The following SPTAN1 variants were observed in gnomAD, a reference collection of about 807,000 sequenced individuals.
SPTAN1 encodes spectrin alpha chain, non-erythrocytic 1.
Under a neutral mutation model 331.3 loss-of-function variants are expected in SPTAN1, and 61 were observed. The observed-to-expected ratio is 0.18, with a 90% CI of 0.15 to 0.23. The LOEUF (loss-of-function observed/expected upper bound fraction) is 0.23, where lower values mean the gene tolerates loss of function less well. Ranked by LOEUF, SPTAN1 falls within the 10% of genes least tolerant of loss-of-function variation. The pLI, the probability that SPTAN1 is intolerant of heterozygous loss-of-function variation, is 1.00. For missense variants in SPTAN1, 2,043 were observed against 3,147.9 expected (o/e 0.65, Z 8.40); for synonymous variants, 1,153 against 1,173.9 (o/e 0.98, Z 0.36).
rs1418594886 is a variant in SPTAN1, at chr9:128,604,179, A to G, written c.3628-147A>G. The G allele has an allele frequency of 9.4e-6, 8 of 854,894 alleles. No homozygotes were observed. The Admixed American group carries it at 1.6e-4, about 17-fold the overall frequency. The allele number at this position is 854,894 out of a possible 1,614,324, so 53.0% of individuals were successfully genotyped here. A position where few individuals can be genotyped will look rare whatever the true frequency, so the allele number is the denominator to read the frequency against. On this transcript the variant is annotated intron_variant, in intron 28 of 56. Coordinates refer to ENST00000372739, the MANE Select transcript of SPTAN1 (RefSeq NM_001130438.3). Reference sequence around the variant, plus strand: ...GGCTTGGCTCTTACTGGAATATTGTATACTAATTTATTCAGCGAGGAAGGT... The same window carrying G: ...GGCTTGGCTCTTACTGGAATATTGTGTACTAATTTATTCAGCGAGGAAGGT...
chr9:128,574,374 AT>A (rs1851066516), intron 3 of SPTAN1, among the ~76,000 whole-genome samples: 2 of 149,024 alleles, frequency 1.3e-5, no homozygotes, highest in Non-Finnish European at 3.0e-5. Flanking sequence ...ATATAAAGAT[AT>A]TATTAATAAT....
chr9:128,557,181 C>A (rs772442030), intron 1 of SPTAN1, among the ~76,000 whole-genome samples: 1 of 152,192 alleles, frequency 6.6e-6, no homozygotes, highest in Non-Finnish European at 1.5e-5. Context: ...CTAAAAATCC[C>A]TTTCTTGCAA....
chr9:128,557,683 T>G (rs1389562663), intron 1 of SPTAN1, among the ~76,000 whole-genome samples: 1 of 152,108 alleles, frequency 6.6e-6, no homozygotes, highest in African/African-American at 2.4e-5. Context: ...ACAAAGATAT[T>G]CATGTCTAAT....
At chr9:128,626,033 C>T (rs1304426298) in intron 48 of SPTAN1, 55 bp downstream of exon 48, 67 of 1,596,768 alleles carry the variant, frequency 4.2e-5, no homozygotes, top group Non-Finnish European at 5.7e-5. Context: ...GAAGGACGCC[C>T]ACCTTCTGTC....
chr9:128,607,878 G>A lies in SPTAN1; in HGVS notation c.4173G>A (p.Arg1391=). ...AACACCGGACAGAAATCGATGCCAG[G>A]GCTGGCACTTTCCAGGCATTTGAGC... ...HQEHRTEIDA[R]AGTFQAFEQF... The change falls in exon 33 of 57, where the codon AGG becomes AGA. Residue 1391 remains arginine, a synonymous_variant. Transcript: ENST00000372739. The A allele has an allele frequency of 6.2e-7, 1 of 1,614,012 alleles. No individual in the cohort carries two copies. The highest frequency in any genetic ancestry group is 8.5e-7 in the Non-Finnish European group (1 of 1,180,032).
Position 128,582,833 on chromosome 9 carries a change from C to T in SPTAN1, c.1790C>T (p.Thr597Ile). ...GTCAATGAGAAGATGAAAACTGCCA[C>T]AGATGAAGCTTATAAAGTAATGTAC... ...SWVNEKMKTA[T>I]DEAYKDPSNL... The change falls in exon 14 of 57, where the codon ACA (threonine) becomes ATA (isoleucine). Residue 597 changes from threonine (T) to isoleucine (I), a missense_variant. This residue lies in a region of SPTAN1 where 1,038 missense variants were observed against 1,531.5 expected (regional missense o/e 0.68). Transcript: ENST00000372739. 1 of 1,613,122 alleles carries T rather than the reference C, an allele frequency of 6.2e-7. No individual in the cohort carries two copies. The highest frequency in any genetic ancestry group is 8.5e-7 in the Non-Finnish European group (1 of 1,180,028).
chr9:128,598,644 C>T, intron 25 of SPTAN1, 140 bp downstream of exon 25: 2 of 782,854 alleles, frequency 2.6e-6, no homozygotes, highest in Non-Finnish European at 2.2e-6. Flanking sequence ...TCTATGTGAC[C>T]AAAACCATTT....
rs1296061108 is a variant in SPTAN1 at position 128,612,217 on chromosome 9, A to T, written c.5014A>T (p.Ile1672Phe). The change falls in exon 39 of 57, where the codon ATC becomes TTC. Residue 1672 changes from isoleucine (I) to phenylalanine (F), a missense_variant. By Grantham distance (21) the Ile-to-Phe change is conservative. Around this residue, in one of 12 missense-constraint regions of SPTAN1, gnomAD observed 323 missense variants for 581.1 expected, o/e 0.56. Coordinates refer to ENST00000372739, the MANE Select transcript of SPTAN1 (RefSeq NM_001130438.3). Reference protein sequence around the residue: ...ANKQQNFNTGIKDFDFWLSEV... With the variant: ...ANKQQNFNTGFKDFDFWLSEV... The stretch of plus-strand genomic sequence containing the variant: ...CAAGCAGCAGAACTTCAACACAGGG[A>T]TCAAGGACTTTGACTTCTGGCTGTC... 2 of 1,614,028 alleles carry T rather than the reference A, an allele frequency of 1.2e-6. No homozygotes were observed. Among genetic ancestry groups the T allele is most frequent in the African/African-American group, 1.3e-5 (1 of 74,900 alleles).
chr9:128,584,458 C>T lies in SPTAN1; in HGVS notation c.2370C>T (p.Phe790=). 1.2e-6 allele frequency: 2 copies of T among 1,614,074 alleles called. No homozygotes were observed. The highest frequency in any genetic ancestry group is 1.7e-6 in the Non-Finnish European group (2 of 1,179,978). The part of the protein sequence containing the change: ...LADSLRLQQL[F]RDVEDEETWI... ...ATTCTCTGCGGTTGCAGCAGCTCTT[C>T]CGGGATGTTGAGGATGAGGAGACGT... The change falls in exon 17 of 57, where the codon TTC becomes TTT. Residue 790 remains phenylalanine (F), a synonymous_variant. Transcript: ENST00000372739.
In SPTAN1 at chr9:128,608,949, T is replaced by C; in HGVS notation, c.4567T>C (p.Ser1523Pro). 2 of 1,614,224 alleles carry C rather than the reference T, an allele frequency of 1.2e-6. No homozygotes were observed. Among genetic ancestry groups the C allele is most frequent in the Non-Finnish European group, 1.7e-6 (2 of 1,180,034 alleles). The part of the protein sequence containing the change: ...AAGHYAKGDI[S>P]SRRNEVLDRW... ...CGGCCATTATGCCAAGGGAGACATT[T>C]CTAGCCGGCGCAATGAGGTCTTGGA... Residue 1523 changes from serine (S) to proline (P), a missense_variant, in exon 35 of 57, where the codon TCT (serine) becomes CCT (proline). Coordinates refer to ENST00000372739, the MANE Select transcript of SPTAN1 (RefSeq NM_001130438.3).
Position 128,577,546 on chromosome 9 carries a change from C to A in SPTAN1, c.1085+40C>A. On this transcript the variant is annotated intron_variant, in intron 8 of 56. Transcript: ENST00000372739. The surrounding 1 kb of genome is among the most constrained non-coding windows in gnomAD (Gnocchi z 4.2). ...CCAGGTCTTAACCAGTATCATTTGG[C>A]TTCTTTTTTGGAAGCAGGAATAGCA... The A allele has an allele frequency of 6.2e-7, 1 of 1,611,868 alleles. No homozygotes were observed. Among genetic ancestry groups the A allele is most frequent in the African/African-American group, 1.3e-5 (1 of 75,010 alleles).
At position 128,588,911 on chromosome 9, in the gene SPTAN1, G is replaced by T; in HGVS notation, c.2974G>T (p.Asp992Tyr). 6.2e-7 allele frequency: 1 copy of T among 1,614,110 alleles called. No individual in the cohort carries two copies. The highest frequency in any genetic ancestry group is 8.5e-7 in the Non-Finnish European group (1 of 1,180,010). Residue 992 changes from aspartate (D) to tyrosine (Y), a missense_variant, in exon 21 of 57, where the codon GAT (aspartate) becomes TAT (tyrosine). Physicochemically the swap from Asp to Tyr is radical, Grantham distance 160 (BLOSUM62 -3). Around this residue, in one of 12 missense-constraint regions of SPTAN1, gnomAD observed 1,038 missense variants for 1,531.5 expected, o/e 0.68. Transcript: ENST00000372739. ...CCGAGAGGTCACCATGAAGAAGGGA[G>T]ATATCCTTACCTTACTCAACAGCAC... is the stretch of plus-strand genomic sequence containing the variant. ...SPREVTMKKG[D>Y]ILTLLNSTNK...
chr9:128,586,236 A>G (rs1852620542), intron 19 of SPTAN1, among the ~76,000 whole-genome samples: 1 of 148,468 alleles, frequency 6.7e-6, no homozygotes, highest in Non-Finnish European at 1.5e-5. Flanking sequence ...CTCCTGCCTC[A>G]GCCTCCCAAG....
intron 45 of SPTAN1, 34 bp from the exon 46 acceptor site, chr9:128,624,294 G>A (rs1454619789): frequency 6.2e-7 from 1 of 1,613,298 alleles, no homozygotes; most frequent in South Asian, 1.1e-5. Context: ...CAGCAGGTAA[G>A]GCTGACCAGT....
At chr9:128,615,589 G>A in intron 40 of SPTAN1, 43 bp from the exon 41 acceptor site, 1 of 1,605,604 alleles carries the variant, frequency 6.2e-7, no homozygotes, top group Non-Finnish European at 8.5e-7. Context: ...GCAGATAGCT[G>A]TGGGAGACCC....
intron 44 of SPTAN1, 84 bp from the exon 45 acceptor site, chr9:128,621,074 A>G: frequency 1.9e-6 from 2 of 1,078,024 alleles, no homozygotes; most frequent in Non-Finnish European, 2.9e-6. Flanking sequence ...GGACCATAGC[A>G]GTTTTGTCAC....
rs1859419010 is a variant in SPTAN1, at chr9:128,629,938, G to A, written c.6708-383G>A. On this transcript the variant is annotated intron_variant, in intron 51 of 56. Transcript: ENST00000372739. The surrounding 1 kb of genome is among the most constrained non-coding windows in gnomAD (Gnocchi z 4.9). Reference sequence around the variant, plus strand: ...TTCTCAGCCTCCCCTCTGCCCTGAGGTCTCCTGTCTGTCAGGTGTCAGGGT... The same window carrying A: ...TTCTCAGCCTCCCCTCTGCCCTGAGATCTCCTGTCTGTCAGGTGTCAGGGT... 2.7e-6 allele frequency: 1 copy of A among 369,952 alleles called. No homozygotes were observed. The allele number at this position is 369,952 out of a possible 1,614,324, so 22.9% of individuals were successfully genotyped here.
intron 12 of SPTAN1, 35 bp from the exon 13 acceptor site, chr9:128,582,444 G>A: frequency 6.3e-7 from 1 of 1,596,064 alleles, no homozygotes. Context: ...GGACTAGTGT[G>A]CTTACCAATG....
In SPTAN1 at chr9:128,626,430, G is replaced by A. The variant is rs1131691448; in HGVS notation, c.6319G>A (p.Ala2107Thr). ...CCTGACCTTCGCCAAAAAGGCTTCT[G>A]CCTTCAACAGCTGGTTTGAAAATGC... The part of the protein sequence containing the change: ...LFLTFAKKAS[A>T]FNSWFENAEE... Residue 2107 changes from alanine to threonine, a missense_variant, in exon 49 of 57, where the codon GCC (alanine) becomes ACC (threonine). Ala to Thr is a moderately conservative substitution (Grantham distance 58). This residue lies in a region of SPTAN1 where 256 missense variants were observed against 376.4 expected (regional missense o/e 0.68). Transcript: ENST00000372739. 2 of 1,614,178 alleles carry A rather than the reference G, an allele frequency of 1.2e-6. No individual in the cohort carries two copies. Among genetic ancestry groups the A allele is most frequent in the South Asian group, 1.1e-5 (1 of 91,086 alleles).
Sources: gnomAD v4.1 joint callset for allele counts (sites outside exome capture counted in the v4.1 genomes callset) on GRCh38, gnomAD v4.1.1 for gene constraint, gnomAD v4.1.1 regional missense constraint, Gnocchi (gnomAD v3.1) non-coding constraint, MANE v1.5 for transcripts, NCBI Gene and HGNC (gene_info 2026-07-23, HGNC 2026-07-21) for gene names.